ZSWIM6: variants seen among roughly 807,000 people sequenced by gnomAD.
ZSWIM6 encodes the protein zinc finger SWIM-type containing 6.
ZSWIM6 carries 9 observed loss-of-function variants against 113.2 expected under a neutral mutation model. The ratio of observed to expected loss-of-function variants is 0.08; its 90% CI spans 0.05 to 0.14. The LOEUF is 0.14. Ranked by LOEUF, ZSWIM6 falls within the 10% of genes least tolerant of loss-of-function variation. ZSWIM6 has a pLI of 1.00. For synonymous variants in ZSWIM6, 611 were observed against 606.5 expected (o/e 1.01, Z -0.11); for missense variants, 1,162 against 1,552.2 (o/e 0.75, Z 4.22).
At chr5:61,349,313 G>A (rs955386757) in intron 1 of ZSWIM6, among the ~76,000 whole-genome samples, 1 of 152,152 alleles carries the variant, frequency 6.6e-6, no homozygotes, top group African/African-American at 2.4e-5. Flanking sequence ...GCCAACTACT[G>A]TATTAACAGT....
intron 1 of ZSWIM6, among the ~76,000 whole-genome samples, chr5:61,424,832 A>T (rs1746431447): frequency 6.6e-6 from 1 of 151,246 alleles, no homozygotes; most frequent in South Asian, 2.1e-4. Context: ...GGTTCCAGCA[A>T]TTCTCCTGCC....
chr5:61,358,106 T>C (rs184892162), intron 1 of ZSWIM6, among the ~76,000 whole-genome samples: 1 of 152,348 alleles, frequency 6.6e-6, no homozygotes, highest in African/African-American at 2.4e-5. Context: ...CCTCTAGTTA[T>C]TTCCTTGCCC....
In ZSWIM6 at chr5:61,353,445, C is replaced by A. The variant is rs1215932990; in HGVS notation, c.676+20497C>A. ...ACTTGAACACCTAGGCCTCCCAGCT[C>A]TCAAGTGGGATCATGTTGTACTTTG... On this transcript the variant is annotated intron_variant, in intron 1 of 13. Transcript: ENST00000252744. 2.6e-5 allele frequency among the ~76,000 whole-genome samples: 4 copies of A among 152,278 alleles called. No homozygotes were observed. The East Asian group carries it at 7.7e-4, about 29-fold the overall frequency.
chr5:61,494,121 AC>A, intron 3 of ZSWIM6, 138 bp from the exon 4 acceptor site: 13 of 871,100 alleles, frequency 1.5e-5, no homozygotes, highest in Admixed American at 2.9e-5. Context: ...CCTATCCTCC[AC>A]CACACACACA....
chr5:61,455,784 C>T (rs1156470410), intron 1 of ZSWIM6, among the ~76,000 whole-genome samples: 1 of 150,454 alleles, frequency 6.6e-6, no homozygotes, highest in Non-Finnish European at 1.5e-5. Context: ...AGTTAGATTC[C>T]CCGCCCCGGC....
intron 1 of ZSWIM6, among the ~76,000 whole-genome samples, chr5:61,413,463 A>G (rs990170836): frequency 3.3e-5 from 5 of 152,058 alleles, no homozygotes; most frequent in Non-Finnish European, 7.4e-5. Context: ...TGCTATTGTG[A>G]ATAGTGCTGC....
Position 61,531,031 on chromosome 5 carries a change from G to A in ZSWIM6, c.1985-434G>A, listed in dbSNP as rs182793458. On this transcript the variant is annotated intron_variant, in intron 8 of 13. Coordinates refer to ENST00000252744, the MANE Select transcript of ZSWIM6 (RefSeq NM_020928.2). ...ACTGATGACTCTTGGATAATAAAAA[G>A]GACTTGAAATTGGGTTATATATGTT... Among the ~76,000 whole-genome samples the A allele has an allele frequency of 9.1e-3, 1,391 of 152,228 alleles. 18 individuals are homozygous for A. Among genetic ancestry groups the A allele is most frequent in the Non-Finnish European group, 0.014 (969 of 68,002 alleles).
At chr5:61,523,550 T>C (rs772447401) in intron 5 of ZSWIM6, among the ~76,000 whole-genome samples, 28 of 152,220 alleles carry the variant, frequency 1.8e-4, no homozygotes, top group Non-Finnish European at 3.8e-4. Flanking sequence ...GTGTACTTTA[T>C]GAAAAATTCT....
At chr5:61,467,606 A>G (rs769872569) in intron 1 of ZSWIM6, among the ~76,000 whole-genome samples, 9 of 152,242 alleles carry the variant, frequency 5.9e-5, no homozygotes, top group Admixed American at 5.2e-4. Flanking sequence ...TCCCAGGACC[A>G]TACATTGAGA....
chr5:61,444,732 T>G (rs1746914068), intron 1 of ZSWIM6, among the ~76,000 whole-genome samples: 1 of 152,198 alleles, frequency 6.6e-6, no homozygotes, highest in Non-Finnish European at 1.5e-5. Context: ...AAGTAACCTA[T>G]TCCCTCAAAA....
At chr5:61,495,785 T>C (rs545890130) in intron 4 of ZSWIM6, among the ~76,000 whole-genome samples, 1 of 152,282 alleles carries the variant, frequency 6.6e-6, no homozygotes, top group East Asian at 1.9e-4. Context: ...AACTCTAGTA[T>C]AGACTTGATT....
At chr5:61,364,022 TTTC>T (rs759544445) in intron 1 of ZSWIM6, among the ~76,000 whole-genome samples, 17 of 140,874 alleles carry the variant, frequency 1.2e-4, no homozygotes, top group South Asian at 2.6e-4. Context: ...CTTTTCTTCC[TTTC>T]TTCTTTCCTT....
chr5:61,466,099 G>A (rs763632259), intron 1 of ZSWIM6, among the ~76,000 whole-genome samples: 3 of 152,040 alleles, frequency 2.0e-5, no homozygotes, highest in African/African-American at 4.8e-5. Flanking sequence ...CTGCTGATCT[G>A]GAAATTGTAC....
intron 8 of ZSWIM6, among the ~76,000 whole-genome samples, chr5:61,530,517 T>C (rs936277040): frequency 2.0e-5 from 3 of 152,238 alleles, no homozygotes; most frequent in African/African-American, 7.2e-5. Flanking sequence ...AATAAAGATG[T>C]ACATCTTAGC....
At chr5:61,409,693 G>T (rs986190293) in intron 1 of ZSWIM6, among the ~76,000 whole-genome samples, 1 of 151,944 alleles carries the variant, frequency 6.6e-6, no homozygotes, top group African/African-American at 2.4e-5. Flanking sequence ...GTTAGTCTTC[G>T]GTTTCTTAGT....
At chr5:61,351,262 A>G (rs1319436139) in intron 1 of ZSWIM6, among the ~76,000 whole-genome samples, 2 of 152,200 alleles carry the variant, frequency 1.3e-5, no homozygotes, top group Non-Finnish European at 2.9e-5. Flanking sequence ...TTTGCCTGAA[A>G]ATGGAAAAGG....
chr5:61,397,706 A>G (rs1485584872), intron 1 of ZSWIM6, among the ~76,000 whole-genome samples: 1 of 152,168 alleles, frequency 6.6e-6, no homozygotes, highest in Non-Finnish European at 1.5e-5. Flanking sequence ...ATCTTCACCT[A>G]AATTTTGAAT....
In ZSWIM6 at chr5:61,472,455, TAAA is replaced by T. The variant is rs1364853125; in HGVS notation, c.677-224_677-222del. Among the ~76,000 whole-genome samples, 1 of 152,232 alleles carries T rather than the reference TAAA, an allele frequency of 6.6e-6. No individual in the cohort carries two copies. Among genetic ancestry groups the T allele is most frequent in the African/African-American group, 2.4e-5 (1 of 41,462 alleles). Reference sequence around the variant, plus strand: ...CAATATATGTTTTCATATGGCTGTGTAAAATACTTCAGCATATCAGTTGAATAC... The same window carrying T: ...CAATATATGTTTTCATATGGCTGTGTATACTTCAGCATATCAGTTGAATAC... On this transcript the variant is annotated intron_variant, in intron 1 of 13. Coordinates refer to ENST00000252744, the MANE Select transcript of ZSWIM6 (RefSeq NM_020928.2). This position sits in a 1 kb window ranked among gnomAD's most constrained non-coding sequence, Gnocchi z 4.1.
At chr5:61,427,815 C>T (rs1746492906) in intron 1 of ZSWIM6, among the ~76,000 whole-genome samples, 1 of 152,030 alleles carries the variant, frequency 6.6e-6, no homozygotes, top group South Asian at 2.1e-4. Context: ...TTGGTTGAAT[C>T]TATGGATGTC....
Sources: gnomAD v4.1 joint callset for allele counts (sites outside exome capture counted in the v4.1 genomes callset) on GRCh38, gnomAD v4.1.1 for gene constraint, Gnocchi (gnomAD v3.1) non-coding constraint, MANE v1.5 for transcripts, NCBI Gene and HGNC (gene_info 2026-07-23, HGNC 2026-07-21) for gene names.